Variants in FMN1 observed in about 807,000 individuals in gnomAD.
The protein encoded by FMN1 is formin-1.
Under a neutral mutation model 132.4 loss-of-function variants are expected in FMN1, and 110 were observed. That is an observed-to-expected ratio of 0.83 (90% CI 0.71 to 0.97). FMN1 has a LOEUF of 0.97. FMN1 is among the 50% of genes least tolerant of loss of function. FMN1 has a pLI of 0.00. For missense variants in FMN1, 1,792 were observed against 1,705.3 expected (o/e 1.05, Z -0.90); for synonymous variants, 722 against 651.7 (o/e 1.11, Z -1.64).
At chr15:32,926,542 CAA>C (rs1044860578) in intron 9 of FMN1, among the ~76,000 whole-genome samples, 5 of 152,186 alleles carry the variant, frequency 3.3e-5, no homozygotes, top group African/African-American at 1.2e-4. Context: ...TACTCAAGTA[CAA>C]AGTTATACCA....
chr15:33,117,412 G>C, intron 4 of FMN1, among the ~76,000 whole-genome samples: 1 of 152,140 alleles, frequency 6.6e-6, no homozygotes, highest in East Asian at 1.9e-4. Context: ...ATACACAGGG[G>C]CTGAGAGATT....
rs532718632 is a variant in FMN1, at chr15:32,935,377, T to C, written c.3139-9116A>G. ...CTTATATGAGTTGCTTTTCACCTCC[T>C]GCTTTCAAAATTCTCTTTTTTGTCT... On this transcript the variant is annotated intron_variant, in intron 9 of 20. Coordinates refer to ENST00000616417, the MANE Select transcript of FMN1 (RefSeq NM_001277313.2). Among the ~76,000 whole-genome samples the C allele has an allele frequency of 6.6e-5, 10 of 152,322 alleles. No homozygotes were observed. In the South Asian group the frequency reaches 2.1e-3, roughly 32 times the overall value.
At chr15:32,834,691 C>A (rs750974489) in intron 17 of FMN1, among the ~76,000 whole-genome samples, 2 of 152,214 alleles carry the variant, frequency 1.3e-5, no homozygotes, top group Non-Finnish European at 2.9e-5. Context: ...TAAGACAAGG[C>A]AGCAGCAGCA....
At chr15:32,905,632 A>C (rs1337133561) in intron 12 of FMN1, among the ~76,000 whole-genome samples, 1 of 152,202 alleles carries the variant, frequency 6.6e-6, no homozygotes, top group Non-Finnish European at 1.5e-5. Flanking sequence ...CTGGAGTGTA[A>C]GAGAGTTGAT....
intron 6 of FMN1, among the ~76,000 whole-genome samples, chr15:33,028,487 G>GA (rs910575118): frequency 2.7e-5 from 4 of 148,546 alleles, no homozygotes; most frequent in African/African-American, 7.4e-5. Context: ...TCAAATGCTG[G>GA]AAAAAACATA....
At chr15:33,037,779 C>T (rs1198311459) in intron 6 of FMN1, among the ~76,000 whole-genome samples, 1 of 152,178 alleles carries the variant, frequency 6.6e-6, no homozygotes, top group Admixed American at 6.5e-5. Flanking sequence ...TAAACTAGAA[C>T]GGTGTTCTTC....
intron 15 of FMN1, 30 bp downstream of exon 15, chr15:32,898,804 G>GA: frequency 2.0e-6 from 3 of 1,469,434 alleles, no homozygotes; most frequent in Non-Finnish European, 9.5e-7. Flanking sequence ...AGTAAGAGGT[G>GA]AAACTTTTCC....
chr15:33,070,630 A>G (rs956334398), intron 5 of FMN1, among the ~76,000 whole-genome samples: 2 of 152,084 alleles, frequency 1.3e-5, no homozygotes, highest in African/African-American at 4.8e-5. Context: ...TGGTCCCAGG[A>G]GATTATCTGA....
chr15:32,957,161 G>A (rs1050774807), intron 9 of FMN1, among the ~76,000 whole-genome samples: 8 of 151,960 alleles, frequency 5.3e-5, no homozygotes, highest in Non-Finnish European at 1.2e-4. Flanking sequence ...TTACAGAAGA[G>A]GAAACAAACA....
At chr15:32,992,625 A>G (rs540736625) in intron 7 of FMN1, among the ~76,000 whole-genome samples, 2 of 152,334 alleles carry the variant, frequency 1.3e-5, no homozygotes, top group African/African-American at 4.8e-5. Flanking sequence ...ACAAAAAGAC[A>G]TGCAGTAAAT....
intron 7 of FMN1, among the ~76,000 whole-genome samples, chr15:32,998,320 A>T (rs1334849311): frequency 2.0e-5 from 3 of 152,214 alleles, no homozygotes; most frequent in African/African-American, 7.2e-5. Context: ...TATTTATTCA[A>T]TTTCAGCTAG....
chr15:32,987,402 C>T (rs549001460), intron 7 of FMN1, among the ~76,000 whole-genome samples: 1 of 152,218 alleles, frequency 6.6e-6, no homozygotes, highest in African/African-American at 2.4e-5. Flanking sequence ...CGAATAATTA[C>T]AAACTACTTC....
At chr15:32,779,327 T>C (rs549768319) in intron 19 of FMN1, among the ~76,000 whole-genome samples, 1 of 152,346 alleles carries the variant, frequency 6.6e-6, no homozygotes, top group African/African-American at 2.4e-5. Context: ...AAATTCTATC[T>C]CAATACAACT....
intron 6 of FMN1, chr15:33,012,409 G>A (rs541445769): frequency 3.3e-6 from 3 of 915,388 alleles, no homozygotes; most frequent in Admixed American, 3.4e-5. Flanking sequence ...TCAAAGACCA[G>A]GTGCCCACTC....
intron 7 of FMN1, among the ~76,000 whole-genome samples, chr15:33,000,101 C>A (rs2034006125): frequency 6.6e-6 from 1 of 152,152 alleles, no homozygotes; most frequent in African/African-American, 2.4e-5. Context: ...AGTAGATGGA[C>A]TAGAGACCTG....
rs147446929 is a variant in FMN1, at chr15:33,007,487, G to A, written c.2223+527C>T. ...AGGGAAATGATCCCTCAGTCATTCCGGGCTTCACAAGGGAGGATCAGGTCA... is the reference window on the plus strand; with the variant it reads ...AGGGAAATGATCCCTCAGTCATTCCAGGCTTCACAAGGGAGGATCAGGTCA... On this transcript the variant is annotated intron_variant, in intron 7 of 20. Transcript: ENST00000616417. Among the ~76,000 whole-genome samples the A allele has an allele frequency of 2.6e-4, 39 of 152,034 alleles. 1 individual carries two copies. The highest frequency in any genetic ancestry group is 8.2e-4 in the African/African-American group (34 of 41,472).
intron 17 of FMN1, among the ~76,000 whole-genome samples, chr15:32,828,554 T>C (rs2058427103): frequency 1.3e-5 from 2 of 152,136 alleles, no homozygotes; most frequent in Admixed American, 1.3e-4. Flanking sequence ...AGACTCTAGC[T>C]TGGCTGTAAG....
intron 6 of FMN1, among the ~76,000 whole-genome samples, chr15:33,011,468 T>A (rs918560879): frequency 2.6e-5 from 4 of 151,928 alleles, no homozygotes; most frequent in Non-Finnish European, 5.9e-5. Context: ...TTTATAATAA[T>A]TATCTTATAA....
intron 17 of FMN1, among the ~76,000 whole-genome samples, chr15:32,843,108 C>A (rs550736159): frequency 7.0e-6 from 1 of 143,788 alleles, no homozygotes; most frequent in African/African-American, 2.6e-5. Flanking sequence ...GCCTGGGCAA[C>A]AAGAGCGAAA....
Sources: allele counts gnomAD v4.1 joint callset (sites outside exome capture counted in the v4.1 genomes callset), GRCh38; gene constraint gnomAD v4.1.1; transcripts MANE v1.5; gene names NCBI Gene and HGNC (gene_info 2026-07-23, HGNC 2026-07-21).